Variants in NOS1AP observed in about 807,000 individuals in gnomAD.
NOS1AP encodes the protein nitric oxide synthase 1 adaptor protein, also known as carboxyl-terminal PDZ ligand of neuronal nitric oxide synthase protein.
In NOS1AP, 21 loss-of-function variants were observed where a neutral mutation model predicts 56.2. The ratio of observed to expected loss-of-function variants is 0.37; its 90% CI spans 0.26 to 0.54. The LOEUF is 0.54. Among genes scored for constraint, NOS1AP ranks in the 20% least tolerant of loss-of-function variants. The probability of loss-of-function intolerance (pLI) is 0.84; values close to 1 mark genes in which losing one functional copy is unlikely to be tolerated. For synonymous variants in NOS1AP, 270 were observed against 274.6 expected (o/e 0.98, Z 0.17); for missense variants, 522 against 657.8 (o/e 0.79, Z 2.26).
chr1:162,311,754 A>C (rs1422763040), intron 4 of NOS1AP, among the ~76,000 whole-genome samples: 2 of 142,188 alleles, frequency 1.4e-5, no homozygotes, highest in East Asian at 2.1e-4. Flanking sequence ...CACAACAGTC[A>C]CCAGAGTGTA....
intron 2 of NOS1AP, among the ~76,000 whole-genome samples, chr1:162,195,299 C>T (rs994982886): frequency 4.6e-5 from 7 of 152,110 alleles, no homozygotes; most frequent in Non-Finnish European, 4.4e-5. Flanking sequence ...CCCATATTTA[C>T]TGTCCCATAA....
intron 2 of NOS1AP, among the ~76,000 whole-genome samples, chr1:162,213,610 A>G (rs1311203986): frequency 6.6e-6 from 1 of 152,152 alleles, no homozygotes; most frequent in Non-Finnish European, 1.5e-5. Context: ...GATTGTTTTT[A>G]AGTTCTCCTC....
chr1:162,084,596 G>A (rs992848349), intron 1 of NOS1AP, among the ~76,000 whole-genome samples: 10 of 152,152 alleles, frequency 6.6e-5, no homozygotes, highest in African/African-American at 2.4e-4. Context: ...AGGTAAGACT[G>A]GAACATCTTA....
intron 4 of NOS1AP, among the ~76,000 whole-genome samples, chr1:162,325,039 T>C (rs888537648): frequency 1.3e-5 from 2 of 152,204 alleles, no homozygotes; most frequent in Admixed American, 1.3e-4. Context: ...TCAGGCACCA[T>C]TTCATGAGTT....
intron 2 of NOS1AP, among the ~76,000 whole-genome samples, chr1:162,248,006 T>C (rs1336093093): frequency 2.0e-5 from 3 of 152,124 alleles, no homozygotes; most frequent in African/African-American, 7.2e-5. Flanking sequence ...AAGCTGGTCG[T>C]GTGTGGTGGC....
chr1:162,151,816 G>A (rs751109925), intron 1 of NOS1AP, among the ~76,000 whole-genome samples: 1 of 152,104 alleles, frequency 6.6e-6, no homozygotes, highest in Admixed American at 6.5e-5. Flanking sequence ...AGTGTGATGT[G>A]TTAGTAGGGG....
In NOS1AP at chr1:162,187,248, T is replaced by C. The variant is rs528577579; in HGVS notation, c.177+32772T>C. 8.7e-4 allele frequency among the ~76,000 whole-genome samples: 132 copies of C among 152,356 alleles called. 1 individual carries two copies. Among genetic ancestry groups the C allele is most frequent in the Non-Finnish European group, 1.7e-3 (114 of 68,034 alleles). ...TCCCAAAGTGCTAGGATTACAGGCA[T>C]GAGCCACCACATTCAGCCACCATGC... is the stretch of plus-strand genomic sequence containing the variant. On this transcript the variant is annotated intron_variant, in intron 2 of 9. Coordinates refer to ENST00000361897, the MANE Select transcript of NOS1AP (RefSeq NM_014697.3).
At chr1:162,076,223 G>C (rs999466240) in intron 1 of NOS1AP, among the ~76,000 whole-genome samples, 1 of 152,110 alleles carries the variant, frequency 6.6e-6, no homozygotes, top group African/African-American at 2.4e-5. Flanking sequence ...CCCTTGTCCT[G>C]CTGTCTACCC....
At chr1:162,238,233 G>C (rs1048506660) in intron 2 of NOS1AP, among the ~76,000 whole-genome samples, 1 of 152,100 alleles carries the variant, frequency 6.6e-6, no homozygotes, top group Admixed American at 6.5e-5. Context: ...GTATGAATAA[G>C]AGAAAGGTGT....
chr1:162,255,505 T>TTTTTTTTTTTTTTTTC, intron 2 of NOS1AP, among the ~76,000 whole-genome samples: 1 of 110,850 alleles, frequency 9.0e-6, no homozygotes, highest in Admixed American at 8.5e-5. Flanking sequence ...TTTTTTTTTT[T>TTTTTTTTTTTTTTTTC]TTTTTTTTTT....
rs1375453652 is a variant in NOS1AP at position 162,369,577 on chromosome 1, G to C, written c.*2110G>C. 2 of 152,348 alleles carry C rather than the reference G, an allele frequency of 1.3e-5. No homozygotes were observed. The highest frequency in any genetic ancestry group is 4.8e-5 in the African/African-American group (2 of 41,436). 9.4% of individuals were successfully genotyped at this position (152,348 alleles called of 1,614,324 possible). On this transcript the variant is annotated 3_prime_UTR_variant, in exon 10 of 10. Transcript: ENST00000361897. ...TGTGGCCAGGGAGTGGGTGAGGAAGGCCGCTTCTAAATGGCCTGTAAAAAC... is the reference window on the plus strand; with the variant it reads ...TGTGGCCAGGGAGTGGGTGAGGAAGCCCGCTTCTAAATGGCCTGTAAAAAC...
chr1:162,280,788 A>G (rs1654899863), intron 2 of NOS1AP, among the ~76,000 whole-genome samples: 1 of 152,208 alleles, frequency 6.6e-6, no homozygotes, highest in African/African-American at 2.4e-5. Context: ...GCTGGGATTG[A>G]GGTAGGTAGA....
chr1:162,127,693 A>G (rs947283292), intron 1 of NOS1AP, among the ~76,000 whole-genome samples: 1 of 152,184 alleles, frequency 6.6e-6, no homozygotes, highest in African/African-American at 2.4e-5. Flanking sequence ...AGCAATAGAG[A>G]GACGAAGGTG....
chr1:162,308,322 T>C (rs916476797), intron 4 of NOS1AP, among the ~76,000 whole-genome samples: 2 of 151,786 alleles, frequency 1.3e-5, no homozygotes, highest in Non-Finnish European at 2.9e-5. Context: ...GGCACACAGG[T>C]GGAGTTGGGG....
intron 3 of NOS1AP, among the ~76,000 whole-genome samples, chr1:162,297,687 C>T (rs1481469076): frequency 6.6e-6 from 1 of 151,750 alleles, no homozygotes; most frequent in Non-Finnish European, 1.5e-5. Context: ...GAGGTGGAGC[C>T]GAGGCAACTG....
intron 2 of NOS1AP, among the ~76,000 whole-genome samples, chr1:162,264,456 T>TCTCCTCTCCTCTCCTCTCCTCTCCTCTCC (rs1355742065): frequency 2.6e-4 from 10 of 38,180 alleles, no homozygotes; most frequent in Middle Eastern, 0.014. Context: ...TTCTCTTCTC[T>TCTCCTCTCCTCTCCTCTCCTCTCCTCTCC]TCTCTTCTCC....
chr1:162,323,222 C>G (rs1390215270), intron 4 of NOS1AP, among the ~76,000 whole-genome samples: 1 of 152,194 alleles, frequency 6.6e-6, no homozygotes, highest in African/African-American at 2.4e-5. Context: ...CGGGAGCAGA[C>G]TAGAGTGACG....
chr1:162,311,594 A>T (rs10157983), intron 4 of NOS1AP, among the ~76,000 whole-genome samples: 82,931 of 147,398 alleles, frequency 0.56, 22,975 homozygotes, highest in East Asian at 0.6. Context: ...TTTTTTTTTT[A>T]ATTATACTTT....
intron 5 of NOS1AP, chr1:162,342,531 C>A: frequency 2.1e-6 from 1 of 478,756 alleles, no homozygotes; most frequent in East Asian, 6.4e-5. Flanking sequence ...TCCAAGGTCC[C>A]TAGGAGTTCA....
Sources: gnomAD v4.1 joint callset for allele counts (sites outside exome capture counted in the v4.1 genomes callset) on GRCh38, gnomAD v4.1.1 for gene constraint, MANE v1.5 for transcripts, NCBI Gene and HGNC (gene_info 2026-07-23, HGNC 2026-07-21) for gene names.